The following ABCB11 variants were observed in gnomAD, a reference collection of about 807,000 sequenced individuals.
ABCB11 encodes the protein ATP binding cassette subfamily B member 11, also known as bile salt export pump.
A neutral mutation model predicts 148.0 loss-of-function variants in ABCB11; 95 were observed. The ratio of observed to expected loss-of-function variants is 0.64; its 90% CI spans 0.54 to 0.76. The LOEUF (loss-of-function observed/expected upper bound fraction) is 0.76. Among genes scored for constraint, ABCB11 ranks in the 30% least tolerant of loss-of-function variants. The probability of loss-of-function intolerance (pLI) is 0.00; values close to 1 mark genes in which losing one functional copy is unlikely to be tolerated. For synonymous variants in ABCB11, 591 were observed against 555.4 expected (o/e 1.06, Z -0.90); for missense variants, 1,523 against 1,617.8 (o/e 0.94, Z 1.01).
intron 10 of ABCB11, among the ~76,000 whole-genome samples, chr2:168,981,244 C>T (rs2105987291): frequency 6.6e-6 from 1 of 152,244 alleles, no homozygotes; most frequent in South Asian, 2.1e-4. Flanking sequence ...CTTCATTCCA[C>T]ACATTAGGAT....
At chr2:168,936,548 T>A in intron 21 of ABCB11, 115 bp from the exon 22 acceptor site, 1 of 889,566 alleles carries the variant, frequency 1.1e-6, no homozygotes, top group Non-Finnish European at 1.7e-6. Context: ...CATAACAATA[T>A]ATATCATTTT....
chr2:169,005,484 T>G (rs1694991267), intron 5 of ABCB11, among the ~76,000 whole-genome samples: 1 of 152,122 alleles, frequency 6.6e-6, no homozygotes. Flanking sequence ...GGGGGAAAGC[T>G]GGCAGTTACA....
At chr2:168,944,806 A>G (rs1237202572) in intron 20 of ABCB11, 40 bp from the exon 21 acceptor site, 1 of 1,609,410 alleles carries the variant, frequency 6.2e-7, no homozygotes, top group Admixed American at 1.7e-5. Flanking sequence ...AATTTTAATG[A>G]GAAAAAAGGA....
intron 6 of ABCB11, 95 bp from the exon 7 acceptor site, chr2:168,995,577 GA>G: frequency 7.7e-7 from 1 of 1,303,216 alleles, no homozygotes; most frequent in Non-Finnish European, 1.1e-6. Context: ...CAACAGTTGA[GA>G]AAAGGGGGAA....
At chr2:168,956,825 T>C (rs1360845331) in intron 19 of ABCB11, among the ~76,000 whole-genome samples, 1 of 151,584 alleles carries the variant, frequency 6.6e-6, no homozygotes, top group Admixed American at 6.6e-5. Context: ...GAAAAGGCCC[T>C]AGTGGGTCAA....
chr2:168,936,159 A>T, intron 22 of ABCB11, 71 bp downstream of exon 22: 4 of 1,430,282 alleles, frequency 2.8e-6, no homozygotes, highest in Admixed American at 2.0e-5. Flanking sequence ...TCTTCGTACT[A>T]CTCGTTTTTA....
chr2:168,937,525 T>C (rs1691884747), intron 21 of ABCB11, among the ~76,000 whole-genome samples: 1 of 152,222 alleles, frequency 6.6e-6, no homozygotes. Context: ...AGTTCATTTA[T>C]TGACTAATCT....
At chr2:168,935,490 T>C (rs1190497013) in intron 22 of ABCB11, 65 bp from the exon 23 acceptor site, 76 of 1,545,912 alleles carry the variant, frequency 4.9e-5, no homozygotes, top group Non-Finnish European at 6.1e-6. Context: ...GACATTTCAG[T>C]GGCTGCCTGG....
intron 25 of ABCB11, 70 bp from the exon 26 acceptor site, chr2:168,927,432 G>T: frequency 7.7e-7 from 1 of 1,303,838 alleles, no homozygotes; most frequent in Non-Finnish European, 1.1e-6. Flanking sequence ...TCATATTCTA[G>T]CATTAGGTGT....
Position 168,969,379 on chromosome 2 carries a change from T to C in ABCB11, c.1982A>G (p.Asn661Ser). 6 of 1,612,418 alleles carry C rather than the reference T, an allele frequency of 3.7e-6. No homozygotes were observed. Among genetic ancestry groups the C allele is most frequent in the Non-Finnish European group, 5.1e-6 (6 of 1,179,102 alleles). Residue 661 changes from asparagine (N) to serine (S), a missense_variant, in exon 16 of 28, where the codon AAT becomes AGT. Asn to Ser is a conservative substitution (Grantham distance 46, BLOSUM62 1). Coordinates refer to ENST00000650372, the MANE Select transcript of ABCB11 (RefSeq NM_003742.4). ...TATGTCCTCTTCATTAAGAGCTTGA[T>C]TTCCCTGGCTTTGCAAAGTCACTAG... Reference protein sequence around the residue: ...FTLVTLQSQGNQALNEEDIKD... With the variant: ...FTLVTLQSQGSQALNEEDIKD...
chr2:168,930,028 G>T (rs1382644367), intron 25 of ABCB11, among the ~76,000 whole-genome samples: 1 of 151,928 alleles, frequency 6.6e-6, no homozygotes, highest in African/African-American at 2.4e-5. Flanking sequence ...CAGGGGGGTG[G>T]CTTTTTATTA....
intron 11 of ABCB11, among the ~76,000 whole-genome samples, 192 bp downstream of exon 11, chr2:168,979,672 CAA>C (rs55859131): frequency 3.6e-4 from 36 of 100,094 alleles, no homozygotes; most frequent in African/African-American, 9.1e-4. Flanking sequence ...AACTCCATCT[CAA>C]AAAAAAAAAA....
intron 10 of ABCB11, among the ~76,000 whole-genome samples, chr2:168,981,673 C>A (rs1347978260): frequency 6.6e-6 from 1 of 152,134 alleles, no homozygotes; most frequent in African/African-American, 2.4e-5. Flanking sequence ...CGTCAGAGGT[C>A]TTCCTACCTC....
intron 25 of ABCB11, 121 bp downstream of exon 25, chr2:168,930,544 G>T: frequency 1.5e-6 from 1 of 668,758 alleles, no homozygotes; most frequent in Non-Finnish European, 2.2e-6. Context: ...ATATGCATGG[G>T]GTAAGTGCCT....
Position 168,923,759 on chromosome 2 carries a change from A to T in ABCB11, c.3829T>A (p.Leu1277Met), listed in dbSNP as rs200395431. The stretch of plus-strand genomic sequence containing the variant: ...ATATCCGCGTTCTGGATGGTGGACA[A>T]GCGATGGGCAATGACAATGCAGGTC... ...GRTCIVIAHRLSTIQNADIIA... is the reference protein window; with the variant it reads ...GRTCIVIAHRMSTIQNADIIA... The change falls in exon 28 of 28, where the codon TTG becomes ATG. Residue 1277 changes from leucine (L) to methionine (M), a missense_variant. Transcript: ENST00000650372. 9.3e-6 allele frequency: 15 copies of T among 1,613,930 alleles called. No homozygotes were observed. The highest frequency in any genetic ancestry group is 1.3e-5 in the Non-Finnish European group (15 of 1,179,882).
chr2:168,966,996 G>A (rs1342658791), intron 17 of ABCB11, among the ~76,000 whole-genome samples: 3 of 151,864 alleles, frequency 2.0e-5, no homozygotes, highest in Admixed American at 2.0e-4. Context: ...AACATGAGTA[G>A]AATTTTGTTT....
chr2:168,943,291 G>C (rs962901354), intron 21 of ABCB11, among the ~76,000 whole-genome samples: 1 of 151,916 alleles, frequency 6.6e-6, no homozygotes, highest in Non-Finnish European at 1.5e-5. Flanking sequence ...TCTTTAAGCA[G>C]TTATGCAATG....
chr2:168,991,999 G>GA (rs1694541092), intron 8 of ABCB11, among the ~76,000 whole-genome samples: 1 of 150,970 alleles, frequency 6.6e-6, no homozygotes, highest in African/African-American at 2.4e-5. Context: ...CACCATGCCT[G>GA]GCTATTTAAA....
chr2:168,995,826 T>C (rs1313151125), intron 6 of ABCB11, among the ~76,000 whole-genome samples: 1 of 151,948 alleles, frequency 6.6e-6, no homozygotes, highest in Non-Finnish European at 1.5e-5. Flanking sequence ...TAAATAACTA[T>C]TTTTAATGCC....
Sources: gnomAD v4.1 joint callset for allele counts (sites outside exome capture counted in the v4.1 genomes callset) on GRCh38, gnomAD v4.1.1 for gene constraint, MANE v1.5 for transcripts, NCBI Gene and HGNC (gene_info 2026-07-23, HGNC 2026-07-21) for gene names.